The following CCDC146 variants were observed in gnomAD, a reference collection of about 807,000 sequenced individuals.
CCDC146 encodes coiled-coil domain containing 146.
CCDC146 carries 92 observed loss-of-function variants against 119.3 expected under a neutral mutation model. The observed-to-expected ratio is 0.77, with a 90% CI of 0.65 to 0.92. The LOEUF is 0.92. Ranked by LOEUF, CCDC146 falls within the 40% of genes least tolerant of loss-of-function variation. The pLI, the probability that CCDC146 is intolerant of heterozygous loss-of-function variation, is 0.00. For missense variants in CCDC146, 1,000 were observed against 1,103.0 expected (o/e 0.91, Z 1.32); for synonymous variants, 372 against 371.8 (o/e 1.00, Z -0.01).
chr7:77,152,435 A>G (rs1049095269), intron 1 of CCDC146, among the ~76,000 whole-genome samples: 21 of 152,208 alleles, frequency 1.4e-4, no homozygotes, highest in Non-Finnish European at 2.4e-4. Context: ...GGAAATACTT[A>G]TGCAACAAAA....
At chr7:77,135,507 G>A (rs1009147198) in intron 1 of CCDC146, among the ~76,000 whole-genome samples, 1 of 152,034 alleles carries the variant, frequency 6.6e-6, no homozygotes, top group African/African-American at 2.4e-5. Context: ...GAAAGAGAGA[G>A]GAAGAGGAAG....
At chr7:77,169,625 G>T (rs1381003896) in intron 2 of CCDC146, among the ~76,000 whole-genome samples, 1 of 152,074 alleles carries the variant, frequency 6.6e-6, no homozygotes, top group South Asian at 2.1e-4. Flanking sequence ...GTGGACTTAG[G>T]TTTCTCACTG....
intron 4 of CCDC146, 57 bp from the exon 5 acceptor site, chr7:77,254,449 T>C: frequency 1.0e-6 from 1 of 976,424 alleles, no homozygotes; most frequent in Non-Finnish European, 1.6e-6. Context: ...AAAGTTGTTA[T>C]TACAGAAAGA....
At chr7:77,282,850 G>T in intron 15 of CCDC146, 65 bp downstream of exon 15, 1 of 1,141,920 alleles carries the variant, frequency 8.8e-7, no homozygotes, top group East Asian at 2.4e-5. Context: ...ATTAGTTTGT[G>T]GGTGAGTTCT....
chr7:77,136,271 A>G (rs752825175), intron 1 of CCDC146, among the ~76,000 whole-genome samples: 1 of 152,222 alleles, frequency 6.6e-6, no homozygotes, highest in African/African-American at 2.4e-5. Context: ...AAGAAAATAA[A>G]TAAGAATTAG....
chr7:77,230,305 C>A (rs1159402489), intron 2 of CCDC146, among the ~76,000 whole-genome samples: 4 of 152,124 alleles, frequency 2.6e-5, no homozygotes, highest in African/African-American at 9.7e-5. Flanking sequence ...TGAGTACACT[C>A]TTTGCTTTTT....
intron 11 of CCDC146, among the ~76,000 whole-genome samples, chr7:77,275,445 A>T (rs1793615922): frequency 6.6e-6 from 1 of 152,224 alleles, no homozygotes; most frequent in Admixed American, 6.5e-5. Flanking sequence ...AACAATTTAG[A>T]TGGGAAAGGA....
At chr7:77,266,053 G>A (rs1246170590) in intron 9 of CCDC146, among the ~76,000 whole-genome samples, 2 of 152,094 alleles carry the variant, frequency 1.3e-5, no homozygotes, top group African/African-American at 2.4e-5. Flanking sequence ...GGCTCTTATT[G>A]ACTTCCACGT....
chr7:77,132,566 A>AG (rs1790799542), intron 1 of CCDC146, among the ~76,000 whole-genome samples: 2 of 148,048 alleles, frequency 1.4e-5, no homozygotes, highest in African/African-American at 2.4e-5. Context: ...AAAAAAAAAA[A>AG]AAAAAGAAAG....
chr7:77,133,128 G>A (rs1199115846), intron 1 of CCDC146, among the ~76,000 whole-genome samples: 1 of 151,554 alleles, frequency 6.6e-6, no homozygotes, highest in Non-Finnish European at 1.5e-5. Flanking sequence ...CCGAGATCAC[G>A]CCACTGCACT....
At chr7:77,209,574 C>T (rs1562833926) in intron 2 of CCDC146, among the ~76,000 whole-genome samples, 2 of 152,244 alleles carry the variant, frequency 1.3e-5, no homozygotes, top group Admixed American at 1.3e-4. Flanking sequence ...CACAGCTCCA[C>T]TAGGCAGTGC....
chr7:77,135,830 CCT>C (rs1255459872), intron 1 of CCDC146, among the ~76,000 whole-genome samples: 3 of 151,786 alleles, frequency 2.0e-5, no homozygotes, highest in Admixed American at 2.0e-4. Flanking sequence ...AAAAATATAC[CCT>C]GTTAACACTA....
chr7:77,164,481 G>T (rs931669139), intron 1 of CCDC146, among the ~76,000 whole-genome samples: 8 of 152,110 alleles, frequency 5.3e-5, no homozygotes, highest in African/African-American at 1.9e-4. Context: ...GATACCACTG[G>T]CTATTAACAT....
At chr7:77,206,648 C>CAT (rs59790661) in intron 2 of CCDC146, among the ~76,000 whole-genome samples, 9,655 of 138,920 alleles carry the variant, frequency 0.07, 321 homozygotes, top group Non-Finnish European at 0.092. Context: ...AAGAAACATA[C>CAT]ATATATATAT....
intron 2 of CCDC146, among the ~76,000 whole-genome samples, chr7:77,212,465 C>CAA (rs556514385): frequency 6.6e-6 from 1 of 151,224 alleles, no homozygotes; most frequent in South Asian, 2.1e-4. Context: ...ACTAAAAATA[C>CAA]AAAAAAACAG....
At chr7:77,235,555 T>A (rs1792718264) in intron 2 of CCDC146, among the ~76,000 whole-genome samples, 1 of 152,114 alleles carries the variant, frequency 6.6e-6, no homozygotes, top group Non-Finnish European at 1.5e-5. Flanking sequence ...TGTGGGGGTG[T>A]TGGGGTCAGG....
chr7:77,202,694 T>A (rs2099669722), intron 2 of CCDC146, among the ~76,000 whole-genome samples: 3 of 152,206 alleles, frequency 2.0e-5, no homozygotes, highest in South Asian at 2.1e-4. Context: ...ACTCCCCTAA[T>A]GAGTGTATAA....
intron 13 of CCDC146, 54 bp from the exon 14 acceptor site, chr7:77,280,375 T>G (rs541828848): frequency 2.0e-5 from 29 of 1,423,276 alleles, no homozygotes; most frequent in Non-Finnish European, 2.7e-5. Context: ...TTCATTCCTT[T>G]TAAATAAACT....
chr7:77,230,506 G>C (rs1197730976), intron 2 of CCDC146, among the ~76,000 whole-genome samples: 1 of 151,808 alleles, frequency 6.6e-6, no homozygotes, highest in African/African-American at 2.4e-5. Flanking sequence ...GTGTGTGTGT[G>C]TGTGTGTGTG....
Sources: gnomAD v4.1 joint callset for allele counts (sites outside exome capture counted in the v4.1 genomes callset) on GRCh38, gnomAD v4.1.1 for gene constraint, MANE v1.5 for transcripts, NCBI Gene and HGNC (gene_info 2026-07-23, HGNC 2026-07-21) for gene names.